DOCK4: variants seen among roughly 807,000 people sequenced by gnomAD.
DOCK4 encodes the protein dedicator of cytokinesis protein 4.
Under a neutral mutation model 268.1 loss-of-function variants are expected in DOCK4, and 97 were observed. That is an observed-to-expected ratio of 0.36 (90% CI 0.31 to 0.43). The LOEUF is 0.43. Among genes scored for constraint, DOCK4 ranks in the 20% least tolerant of loss-of-function variants. The pLI is 1.00. For missense variants in DOCK4, 2,145 were observed against 2,455.7 expected (o/e 0.87, Z 2.67); for synonymous variants, 954 against 887.2 (o/e 1.08, Z -1.34).
chr7:112,075,619 G>A (rs889755186), intron 1 of DOCK4, among the ~76,000 whole-genome samples: 2 of 152,120 alleles, frequency 1.3e-5, no homozygotes, highest in Admixed American at 1.3e-4. Flanking sequence ...CAGAATTTGA[G>A]CATATCTCAA....
At chr7:112,081,239 G>A (rs1808555445) in intron 1 of DOCK4, among the ~76,000 whole-genome samples, 1 of 152,150 alleles carries the variant, frequency 6.6e-6, no homozygotes, top group Non-Finnish European at 1.5e-5. Flanking sequence ...GTTTGGAGGA[G>A]ACACACAGAA....
intron 1 of DOCK4, among the ~76,000 whole-genome samples, chr7:112,029,264 C>T (rs1031370232): frequency 4.6e-5 from 7 of 152,194 alleles, no homozygotes; most frequent in African/African-American, 1.2e-4. Context: ...ATTAAACCTT[C>T]CGTGTGAAGA....
chr7:112,077,215 C>T (rs1039374582), intron 1 of DOCK4, among the ~76,000 whole-genome samples: 1 of 152,004 alleles, frequency 6.6e-6, no homozygotes, highest in African/African-American at 2.4e-5. Context: ...CCAGCATGGA[C>T]AATTACGTGG....
intron 12 of DOCK4, among the ~76,000 whole-genome samples, chr7:111,930,622 A>G (rs1794120827): frequency 6.6e-6 from 1 of 152,234 alleles, no homozygotes. Flanking sequence ...TGTGGTCCAG[A>G]GAGAAAACAG....
At chr7:111,857,745 G>T (rs184328509) in intron 23 of DOCK4, among the ~76,000 whole-genome samples, 1 of 151,520 alleles carries the variant, frequency 6.6e-6, no homozygotes, top group Non-Finnish European at 1.5e-5. Flanking sequence ...TCGCTATCAC[G>T]CCCTAAACTA....
chr7:111,871,085 T>A (rs1208299876), intron 20 of DOCK4, among the ~76,000 whole-genome samples: 2 of 152,244 alleles, frequency 1.3e-5, no homozygotes, highest in African/African-American at 4.8e-5. Context: ...CAGGATCAAA[T>A]GCTTATCTGA....
chr7:112,039,373 T>TGC (rs560210065), intron 1 of DOCK4, among the ~76,000 whole-genome samples: 2 of 122,318 alleles, frequency 1.6e-5, no homozygotes, highest in African/African-American at 6.2e-5. Context: ...GGATTTCATA[T>TGC]GGGGGGGGGG....
chr7:112,144,423 C>T (rs1274971168), intron 1 of DOCK4, among the ~76,000 whole-genome samples: 1 of 152,276 alleles, frequency 6.6e-6, no homozygotes, highest in Non-Finnish European at 1.5e-5. Flanking sequence ...GGCCCATACT[C>T]GGGAACAGTT....
intron 1 of DOCK4, among the ~76,000 whole-genome samples, chr7:112,111,808 A>G (rs573882087): frequency 2.0e-5 from 3 of 152,324 alleles, no homozygotes; most frequent in African/African-American, 7.2e-5. Flanking sequence ...AGACTTCTTC[A>G]TTCATGTAAA....
intron 41 of DOCK4, among the ~76,000 whole-genome samples, chr7:111,757,098 G>A (rs554867641): frequency 1.3e-5 from 2 of 152,202 alleles, no homozygotes; most frequent in African/African-American, 2.4e-5. Context: ...GGGAGAGGAA[G>A]AGAGAAGCTG....
intron 25 of DOCK4, among the ~76,000 whole-genome samples, chr7:111,835,813 C>A (rs961300291): frequency 6.6e-6 from 1 of 152,124 alleles, no homozygotes; most frequent in African/African-American, 2.4e-5. Context: ...TATCCTCGCC[C>A]ACTGCCATGG....
intron 21 of DOCK4, among the ~76,000 whole-genome samples, chr7:111,868,722 A>T (rs7384146): frequency 0.32 from 47,429 of 148,600 alleles, 7,491 homozygotes; most frequent in East Asian, 0.37. Flanking sequence ...AAAAAAAATT[A>T]AAAAAAAAAA....
At chr7:112,115,514 G>A (rs1185931665) in intron 1 of DOCK4, among the ~76,000 whole-genome samples, 1 of 152,022 alleles carries the variant, frequency 6.6e-6, no homozygotes, top group Non-Finnish European at 1.5e-5. Flanking sequence ...TTTCAACTAC[G>A]CTTCAGACTC....
chr7:112,116,742 A>C (rs1812208985), intron 1 of DOCK4, among the ~76,000 whole-genome samples: 1 of 152,352 alleles, frequency 6.6e-6, no homozygotes, highest in Non-Finnish European at 1.5e-5. Context: ...CAAAGTCAAA[A>C]GAATTTATTG....
At chr7:112,008,493 A>G (rs890989559) in intron 1 of DOCK4, among the ~76,000 whole-genome samples, 9 of 152,234 alleles carry the variant, frequency 5.9e-5, no homozygotes, top group Non-Finnish European at 4.4e-5. Context: ...GCCGTGAGAA[A>G]CAGTCTCAAA....
At chr7:111,760,411 C>T (rs1194252250) in intron 39 of DOCK4, 89 bp from the exon 40 acceptor site, 2 of 1,330,438 alleles carry the variant, frequency 1.5e-6, no homozygotes, top group Non-Finnish European at 2.1e-6. Flanking sequence ...CAGTAACTGA[C>T]CACATGCCCC....
intron 1 of DOCK4, among the ~76,000 whole-genome samples, chr7:112,032,149 G>A (rs1803335904): frequency 6.6e-6 from 1 of 152,112 alleles, no homozygotes; most frequent in South Asian, 2.1e-4. Flanking sequence ...AAAATGTGAT[G>A]GGTGACAATG....
At chr7:112,035,290 A>G (rs1803653395) in intron 1 of DOCK4, among the ~76,000 whole-genome samples, 1 of 151,664 alleles carries the variant, frequency 6.6e-6, no homozygotes, top group Non-Finnish European at 1.5e-5. Context: ...GTGAGATGAA[A>G]TGAGGACAAT....
intron 30 of DOCK4, among the ~76,000 whole-genome samples, chr7:111,805,204 GA>G (rs1800585158): frequency 6.6e-6 from 1 of 152,162 alleles, no homozygotes; most frequent in Non-Finnish European, 1.5e-5. Context: ...GCTGAAGCAT[GA>G]ACTAGCAGAG....
Sources: gnomAD v4.1 joint callset for allele counts (sites outside exome capture counted in the v4.1 genomes callset) on GRCh38, gnomAD v4.1.1 for gene constraint, MANE v1.5 for transcripts, NCBI Gene and HGNC (gene_info 2026-07-23, HGNC 2026-07-21) for gene names.